The following CBX7 variants were observed in gnomAD, a reference collection of about 807,000 sequenced individuals.
CBX7 encodes the protein chromobox 7, also known as chromobox protein homolog 7.
CBX7 carries 14 observed loss-of-function variants against 31.4 expected under a neutral mutation model. The observed-to-expected ratio is 0.45, with a 90% CI of 0.29 to 0.70. The LOEUF is 0.70. Among genes scored for constraint, CBX7 ranks in the 30% least tolerant of loss-of-function variants. The pLI is 0.11. For missense variants in CBX7, 269 were observed against 351.9 expected, an observed-to-expected ratio of 0.76 and a Z score of 1.89; for synonymous variants, 159 against 152.6, an observed-to-expected ratio of 1.04 and a Z score of -0.31.
At chr22:39,141,141 G>T in intron 3 of CBX7, 1 of 505,950 alleles carries the variant, frequency 2.0e-6, no homozygotes, top group Non-Finnish European at 3.5e-6. Flanking sequence ...CTGAGGCCCG[G>T]GTGGGTAAAG....
At chr22:39,136,743 G>C (rs554241971) in intron 4 of CBX7, 3 of 152,446 alleles carry the variant, frequency 2.0e-5, no homozygotes, top group African/African-American at 7.2e-5. Context: ...TGCCATGTTA[G>C]AGGGGAAGAG....
intron 3 of CBX7, chr22:39,141,067 C>T (rs1375627510): frequency 2.8e-6 from 1 of 360,230 alleles, no homozygotes; most frequent in Non-Finnish European, 5.1e-6. Context: ...CTTACGGCCC[C>T]TCTGAGGTTT....
chr22:39,142,905 T>C (rs374348133), intron 2 of CBX7, among the ~76,000 whole-genome samples: 2 of 152,074 alleles, frequency 1.3e-5, no homozygotes, highest in African/African-American at 2.4e-5. Context: ...CCTAGGCCAA[T>C]GTGTGTGTTT....
rs1228252793 is a variant in CBX7 at position 39,152,004 on chromosome 22, G to A, written c.69+372C>T. ...AAGGATTTGGTGCCAAGCGTCCAGA[G>A]TCCCGAGTTCAAAACCCAGCTCTGA... On this transcript the variant is annotated intron_variant, in intron 1 of 5. Transcript: ENST00000216133. This position sits in a 1 kb window ranked among gnomAD's most constrained non-coding sequence, Gnocchi z 4.9. 2.0e-5 allele frequency among the ~76,000 whole-genome samples: 3 copies of A among 152,184 alleles called. No homozygotes were observed. Among genetic ancestry groups the A allele is most frequent in the Non-Finnish European group, 4.4e-5 (3 of 68,026 alleles).
rs138243350 is a variant in CBX7 at position 39,141,395 on chromosome 22, C to G, written c.155G>C (p.Arg52Pro). 1 of 1,612,400 alleles carries G rather than the reference C, an allele frequency of 6.2e-7. No homozygotes were observed. The stretch of plus-strand genomic sequence containing the variant: ...CTTCTCCTCGTAGGCCATGACGAGG[C>G]GGGGGTCCAAGATGTGCTCTTCTGG... ...WEPEEHILDP[R>P]LVMAYEEKEE... Residue 52 changes from arginine to proline, a missense_variant, in exon 3 of 6, where the codon CGC (arginine) becomes CCC (proline). Physicochemically the swap from Arg to Pro is moderately radical, Grantham distance 103. Coordinates refer to ENST00000216133, the MANE Select transcript of CBX7 (RefSeq NM_175709.5).
At chr22:39,137,067 C>T (rs936350550) in intron 4 of CBX7, among the ~76,000 whole-genome samples, 3 of 152,182 alleles carry the variant, frequency 2.0e-5, no homozygotes, top group South Asian at 2.1e-4. Context: ...TTAAGGAGAG[C>T]GGGTATTCTC....
intron 1 of CBX7, among the ~76,000 whole-genome samples, chr22:39,150,332 G>A (rs1334374747): frequency 6.6e-6 from 1 of 152,212 alleles, no homozygotes; most frequent in African/African-American, 2.4e-5. Context: ...TGGCTCAGAG[G>A]TAATGGGCCA....
chr22:39,133,771 C>G lies in CBX7; in HGVS notation c.*120G>C. ...TGGGAGAGTAGTGGGATCTTCTCCC[C>G]TTTTGCTGCTCGGTATTTTTTTAAA... On this transcript the variant is annotated 3_prime_UTR_variant, in exon 6 of 6. Coordinates refer to ENST00000216133, the MANE Select transcript of CBX7 (RefSeq NM_175709.5). The G allele has an allele frequency of 2.0e-6, 2 of 1,018,314 alleles. No homozygotes were observed. Among genetic ancestry groups the G allele is most frequent in the Non-Finnish European group, 2.7e-6 (2 of 728,230 alleles). The allele number at this position is 1,018,314 out of a possible 1,614,324, so 63.1% of individuals were successfully genotyped here.
intron 2 of CBX7, chr22:39,148,449 G>A (rs1356813614): frequency 6.6e-6 from 1 of 152,322 alleles, no homozygotes; most frequent in African/African-American, 2.4e-5. Flanking sequence ...ACAGCTTCCT[G>A]GTGCGAAGCG....
At chr22:39,140,922 C>T (rs1475305212) in intron 3 of CBX7, among the ~76,000 whole-genome samples, 2 of 152,234 alleles carry the variant, frequency 1.3e-5, no homozygotes, top group African/African-American at 4.8e-5. Context: ...TCGTCAGACA[C>T]TCCTTCCTGC....
chr22:39,144,392 T>C (rs2146364969), intron 2 of CBX7, among the ~76,000 whole-genome samples: 1 of 152,296 alleles, frequency 6.6e-6, no homozygotes, highest in African/African-American at 2.4e-5. Flanking sequence ...GCTGTCCCAC[T>C]GCCAGCAGGA....
intron 1 of CBX7, among the ~76,000 whole-genome samples, chr22:39,150,460 C>T (rs1823282710): frequency 6.6e-6 from 1 of 152,148 alleles, no homozygotes. Flanking sequence ...GAGCCAGGCC[C>T]CTCCCTTCCT....
Position 39,152,554 on chromosome 22 carries a change from T to G in CBX7, c.-110A>C, listed in dbSNP as rs1288534527. ...GCTGGCGGGGTCCCCGTCACCCTCG[T>G]CCGGGCGCGCACGCGCACGCGCACG... On this transcript the variant is annotated 5_prime_UTR_variant, in exon 1 of 6. Transcript: ENST00000216133. This position sits in a 1 kb window ranked among gnomAD's most constrained non-coding sequence, Gnocchi z 4.9. 1 of 333,006 alleles carries G rather than the reference T, an allele frequency of 3.0e-6. No individual in the cohort carries two copies. Among genetic ancestry groups the G allele is most frequent in the African/African-American group, 2.3e-5 (1 of 44,224 alleles). The allele number at this position is 333,006 out of a possible 1,614,324, so 20.6% of individuals were successfully genotyped here.
intron 3 of CBX7, among the ~76,000 whole-genome samples, chr22:39,139,718 A>G (rs1003497856): frequency 8.6e-4 from 122 of 142,520 alleles, no homozygotes; most frequent in African/African-American, 2.6e-3. Flanking sequence ...AAAAAAAAAA[A>G]AAAGAAAGAA....
In CBX7 at chr22:39,134,405, C is replaced by G. The variant is rs1930164474; in HGVS notation, c.594G>C (p.Glu198Asp). The change falls in exon 5 of 6, where the codon GAG becomes GAC. Residue 198 changes from glutamate to aspartate, a missense_variant. By Grantham distance (45) the Glu-to-Asp change is conservative. This residue lies in a region of CBX7 where 222 missense variants were observed against 240.4 expected (regional missense o/e 0.92). Coordinates refer to ENST00000216133, the MANE Select transcript of CBX7 (RefSeq NM_175709.5). The part of the protein sequence containing the change: ...EWEPAAQPPE[E>D]EADADLAEGP... ...TCTGGGCTGGGGCCGCCTTACCCTC[C>G]TCTTCAGGGGGCTGCGCAGCAGGCT... is the stretch of plus-strand genomic sequence containing the variant. 1 of 1,597,910 alleles carries G rather than the reference C, an allele frequency of 6.3e-7. No homozygotes were observed. The highest frequency in any genetic ancestry group is 1.3e-5 in the African/African-American group (1 of 74,850).
chr22:39,135,921 C>G (rs939986662), intron 4 of CBX7: 1 of 152,176 alleles, frequency 6.6e-6, no homozygotes, highest in Non-Finnish European at 1.5e-5. Flanking sequence ...GAAACCCCAT[C>G]TCTACTAAAA....
At chr22:39,144,206 C>T (rs1930560984) in intron 2 of CBX7, among the ~76,000 whole-genome samples, 1 of 152,234 alleles carries the variant, frequency 6.6e-6, no homozygotes, top group Admixed American at 6.5e-5. Flanking sequence ...TCTGGCACAC[C>T]CACTTGGTGT....
intron 3 of CBX7, among the ~76,000 whole-genome samples, chr22:39,138,914 G>A (rs1322114006): frequency 2.0e-5 from 3 of 152,228 alleles, no homozygotes; most frequent in Non-Finnish European, 2.9e-5. Flanking sequence ...TCTGACAAAC[G>A]TGGAGGGCAA....
chr22:39,145,216 G>C (rs755073579), intron 2 of CBX7, among the ~76,000 whole-genome samples: 2 of 152,198 alleles, frequency 1.3e-5, no homozygotes, highest in East Asian at 1.9e-4. Context: ...AGCCCCAAGT[G>C]GGGGGCAGGG....
Sources: gnomAD v4.1 joint callset for allele counts (sites outside exome capture counted in the v4.1 genomes callset) on GRCh38, gnomAD v4.1.1 for gene constraint, gnomAD v4.1.1 regional missense constraint, Gnocchi (gnomAD v3.1) non-coding constraint, MANE v1.5 for transcripts, NCBI Gene and HGNC (gene_info 2026-07-23, HGNC 2026-07-21) for gene names.